PRKN: variants seen among roughly 807,000 people sequenced by gnomAD.
PRKN encodes parkin RBR E3 ubiquitin protein ligase.
In PRKN, 56 loss-of-function variants were observed where a neutral mutation model predicts 59.5. That is an observed-to-expected ratio of 0.94 (90% CI 0.76 to 1.18). The LOEUF is 1.18. PRKN is among the 50% of genes most tolerant of loss of function. The pLI is 0.00. For synonymous variants in PRKN, 250 were observed against 222.1 expected, an observed-to-expected ratio of 1.13 and a Z score of -1.12; for missense variants, 657 against 596.4, an observed-to-expected ratio of 1.10 and a Z score of -1.06.
chr6:161,670,227 T>C (rs1029862369), intron 7 of PRKN, among the ~76,000 whole-genome samples: 14 of 152,102 alleles, frequency 9.2e-5, no homozygotes, highest in African/African-American at 3.1e-4. Flanking sequence ...GCCAGGACTT[T>C]AGGAGAGGAG....
intron 4 of PRKN, among the ~76,000 whole-genome samples, chr6:162,129,680 T>C (rs1781266726): frequency 2.0e-5 from 3 of 152,184 alleles, no homozygotes; most frequent in Admixed American, 2.0e-4. Context: ...TTCAAATATT[T>C]AACACTTTAC....
chr6:162,048,132 A>C (rs1326881755), intron 5 of PRKN, among the ~76,000 whole-genome samples: 2 of 152,164 alleles, frequency 1.3e-5, no homozygotes, highest in East Asian at 3.8e-4. Flanking sequence ...CAAATAATCT[A>C]AAAAAGAAAA....
At chr6:162,312,989 ATAT>A (rs1782588209) in intron 2 of PRKN, among the ~76,000 whole-genome samples, 1 of 152,220 alleles carries the variant, frequency 6.6e-6, no homozygotes, top group Non-Finnish European at 1.5e-5. Flanking sequence ...GATATCACAT[ATAT>A]ACCTTAAAAA....
rs2115294627 is a variant in PRKN at position 161,498,701 on chromosome 6, C to T, written c.1083+50153G>A. Among the ~76,000 whole-genome samples, 1 of 152,262 alleles carries T rather than the reference C, an allele frequency of 6.6e-6. No homozygotes were observed. Among genetic ancestry groups the T allele is most frequent in the African/African-American group, 2.4e-5 (1 of 41,554 alleles). The stretch of plus-strand genomic sequence containing the variant: ...GGTCACATCAGTCTCCCTGCCAACC[C>T]TATTGGACAGGCCTTACGCGTGAGA... On this transcript the variant is annotated intron_variant, in intron 9 of 11. Transcript: ENST00000366898. The surrounding 1 kb of genome is among the most constrained non-coding windows in gnomAD (Gnocchi z 4.2).
intron 6 of PRKN, among the ~76,000 whole-genome samples, chr6:161,938,619 G>A (rs988922778): frequency 6.6e-6 from 1 of 152,180 alleles, no homozygotes; most frequent in Non-Finnish European, 1.5e-5. Context: ...AAAGTAAGAA[G>A]AAATTTTGAA....
At chr6:162,427,677 GCT>G (rs1337277396) in intron 2 of PRKN, among the ~76,000 whole-genome samples, 1 of 143,820 alleles carries the variant, frequency 7.0e-6, no homozygotes, top group Admixed American at 7.2e-5. Flanking sequence ...ATGGAGTCTC[GCT>G]CTGTCGCCCA....
intron 4 of PRKN, among the ~76,000 whole-genome samples, chr6:162,097,020 G>A (rs2128297874): frequency 6.6e-6 from 1 of 151,956 alleles, no homozygotes; most frequent in African/African-American, 2.4e-5. Context: ...GGGATTACAG[G>A]CACATGCCAC....
chr6:161,806,239 C>G (rs1027771390), intron 6 of PRKN, among the ~76,000 whole-genome samples: 6 of 152,176 alleles, frequency 3.9e-5, no homozygotes, highest in Admixed American at 3.9e-4. Context: ...AGTGAAGCAG[C>G]CTGCCCATCT....
At chr6:161,976,899 C>T (rs1476938150) in intron 5 of PRKN, among the ~76,000 whole-genome samples, 4 of 152,124 alleles carry the variant, frequency 2.6e-5, no homozygotes, top group Non-Finnish European at 4.4e-5. Flanking sequence ...TGTTCTAACA[C>T]CAGATAAAAT....
At chr6:162,370,065 G>T (rs1785667478) in intron 2 of PRKN, among the ~76,000 whole-genome samples, 2 of 152,106 alleles carry the variant, frequency 1.3e-5, no homozygotes, top group Non-Finnish European at 2.9e-5. Flanking sequence ...TTGAAATATG[G>T]TTTTCTCTAT....
intron 3 of PRKN, among the ~76,000 whole-genome samples, chr6:162,237,647 C>T (rs1205193845): frequency 2.0e-5 from 3 of 152,104 alleles, no homozygotes; most frequent in African/African-American, 4.8e-5. Context: ...CTTATGGCAT[C>T]CCAGTTTTAA....
At chr6:162,711,505 C>T (rs1177324989) in intron 1 of PRKN, among the ~76,000 whole-genome samples, 1 of 152,096 alleles carries the variant, frequency 6.6e-6, no homozygotes, top group Non-Finnish European at 1.5e-5. Context: ...AACAGCATCT[C>T]CCAAACGTGG....
At chr6:161,605,045 A>G (rs746387096) in intron 7 of PRKN, among the ~76,000 whole-genome samples, 1 of 152,242 alleles carries the variant, frequency 6.6e-6, no homozygotes, top group African/African-American at 2.4e-5. Flanking sequence ...AACATAAATT[A>G]GAATAAAATA....
At chr6:162,405,287 T>A (rs978485717) in intron 2 of PRKN, among the ~76,000 whole-genome samples, 3 of 152,154 alleles carry the variant, frequency 2.0e-5, no homozygotes, top group African/African-American at 7.2e-5. Flanking sequence ...GAGAAACAAC[T>A]TCCCGAAAAC....
intron 10 of PRKN, among the ~76,000 whole-genome samples, chr6:161,380,509 C>A (rs1582996941): frequency 6.7e-6 from 1 of 148,892 alleles, no homozygotes; most frequent in Admixed American, 6.7e-5. Context: ...CACCTCCCAG[C>A]TTTAAGCGAT....
chr6:161,808,953 A>G (rs201850184), intron 6 of PRKN, among the ~76,000 whole-genome samples: 7 of 151,986 alleles, frequency 4.6e-5, no homozygotes, highest in East Asian at 3.9e-4. Flanking sequence ...CGATCCTCCC[A>G]CTTCAGCCTC....
chr6:161,628,518 G>T (rs1304603371), intron 7 of PRKN, among the ~76,000 whole-genome samples: 1 of 152,188 alleles, frequency 6.6e-6, no homozygotes, highest in Non-Finnish European at 1.5e-5. Flanking sequence ...CACCTTGAGG[G>T]TTAGGAGTTC....
At chr6:161,532,774 G>A (rs1233306062) in intron 9 of PRKN, among the ~76,000 whole-genome samples, 1 of 152,136 alleles carries the variant, frequency 6.6e-6, no homozygotes, top group African/African-American at 2.4e-5. Flanking sequence ...GCATGCACGT[G>A]GATGCTGGGA....
chr6:161,763,683 T>TC (rs1367923067), intron 7 of PRKN, among the ~76,000 whole-genome samples: 3 of 151,730 alleles, frequency 2.0e-5, no homozygotes, highest in African/African-American at 7.3e-5. Flanking sequence ...CCAGCCCCTT[T>TC]CCCCCCCACA....
Sources: allele counts gnomAD v4.1 joint callset (sites outside exome capture counted in the v4.1 genomes callset), GRCh38; gene constraint gnomAD v4.1.1; non-coding constraint Gnocchi (gnomAD v3.1); transcripts MANE v1.5; gene names NCBI Gene and HGNC (gene_info 2026-07-23, HGNC 2026-07-21).